The following LRP1B variants were observed in gnomAD, a reference collection of about 807,000 sequenced individuals.
LRP1B encodes the protein low-density lipoprotein receptor-related protein 1B.
A neutral mutation model predicts 556.6 loss-of-function variants in LRP1B; 217 were observed. The observed-to-expected ratio is 0.39, with a 90% CI of 0.35 to 0.44. The LOEUF (loss-of-function observed/expected upper bound fraction) is 0.44, where lower values mean the gene tolerates loss of function less well. Among genes scored for constraint, LRP1B ranks in the 20% least tolerant of loss-of-function variants. The probability of loss-of-function intolerance (pLI) is 1.00; values close to 1 mark genes in which losing one functional copy is unlikely to be tolerated. For missense variants in LRP1B, 5,053 were observed against 5,620.8 expected, an observed-to-expected ratio of 0.90 and a Z score of 3.23; for synonymous variants, 2,047 against 1,865.8, an observed-to-expected ratio of 1.10 and a Z score of -2.50.
chr2:141,117,863 A>C (rs1367687316), intron 7 of LRP1B, among the ~76,000 whole-genome samples: 1 of 151,978 alleles, frequency 6.6e-6, no homozygotes, highest in Non-Finnish European at 1.5e-5. Flanking sequence ...GTTAAAACTC[A>C]CTAAATCTTA....
chr2:141,482,555 A>G (rs1682962727), intron 2 of LRP1B, among the ~76,000 whole-genome samples: 1 of 152,022 alleles, frequency 6.6e-6, no homozygotes, highest in Non-Finnish European at 1.5e-5. Context: ...ACAAATTTGA[A>G]TACAAATTAC....
At chr2:141,699,303 A>T (rs901164901) in intron 2 of LRP1B, among the ~76,000 whole-genome samples, 22 of 151,976 alleles carry the variant, frequency 1.4e-4, no homozygotes, top group African/African-American at 4.3e-4. Context: ...GTTGCTAACC[A>T]CAGGCAACCA....
chr2:141,980,116 A>C (rs905480203), intron 1 of LRP1B, among the ~76,000 whole-genome samples: 1 of 152,106 alleles, frequency 6.6e-6, no homozygotes, highest in Admixed American at 6.6e-5. Context: ...ACCAATTATA[A>C]AGCCTAAGAA....
intron 7 of LRP1B, among the ~76,000 whole-genome samples, chr2:141,129,634 T>C (rs1413491794): frequency 3.3e-5 from 5 of 151,902 alleles, no homozygotes; most frequent in Non-Finnish European, 7.4e-5. Context: ...CAGGCATAAA[T>C]TGGATATAAA....
chr2:141,853,917 A>G (rs532281280), intron 1 of LRP1B, among the ~76,000 whole-genome samples: 1 of 152,044 alleles, frequency 6.6e-6, no homozygotes, highest in Non-Finnish European at 1.5e-5. Flanking sequence ...GACTTGAGCC[A>G]GATAAATATT....
intron 1 of LRP1B, among the ~76,000 whole-genome samples, chr2:141,895,280 G>C (rs1051595165): frequency 6.6e-6 from 1 of 152,052 alleles, no homozygotes; most frequent in East Asian, 1.9e-4. Context: ...AGTCTATGAG[G>C]TATTTGGCTC....
chr2:140,395,978 T>C (rs75779864), intron 66 of LRP1B, among the ~76,000 whole-genome samples: 1,958 of 152,306 alleles, frequency 0.013, 23 homozygotes, highest in Non-Finnish European at 0.02. Flanking sequence ...CTTTTGCCAA[T>C]GTACTCTAGG....
intron 35 of LRP1B, among the ~76,000 whole-genome samples, chr2:140,718,129 C>T (rs1205483882): frequency 6.6e-6 from 1 of 152,002 alleles, no homozygotes; most frequent in East Asian, 1.9e-4. Context: ...GTCCAACTGT[C>T]TCCTTTGTTT....
At chr2:141,901,225 T>C (rs1054597401) in intron 1 of LRP1B, among the ~76,000 whole-genome samples, 1 of 151,902 alleles carries the variant, frequency 6.6e-6, no homozygotes, top group Non-Finnish European at 1.5e-5. Context: ...TACCAACACA[T>C]AGGCAGAAGC....
At chr2:141,579,723 A>ATTTTTTTTTTTTTTTTTTTT (rs1559153915) in intron 2 of LRP1B, among the ~76,000 whole-genome samples, 2 of 31,144 alleles carry the variant, frequency 6.4e-5, no homozygotes, top group African/African-American at 9.6e-5. Context: ...ATCAGGTTTC[A>ATTTTTTTTTTTTTTTTTTTT]CTTTTTTTTT....
intron 66 of LRP1B, among the ~76,000 whole-genome samples, chr2:140,386,348 C>T (rs892875165): frequency 2.0e-5 from 3 of 152,126 alleles, no homozygotes; most frequent in African/African-American, 7.2e-5. Flanking sequence ...TTGTCCTTTC[C>T]TTTAGGACAC....
At chr2:141,354,532 C>A (rs1688555911) in intron 3 of LRP1B, among the ~76,000 whole-genome samples, 1 of 152,012 alleles carries the variant, frequency 6.6e-6, no homozygotes, top group Admixed American at 6.6e-5. Flanking sequence ...AAACTTAACA[C>A]CTCAATGTAC....
intron 77 of LRP1B, among the ~76,000 whole-genome samples, chr2:140,348,940 G>A (rs1252957950): frequency 6.6e-6 from 1 of 152,072 alleles, no homozygotes; most frequent in African/African-American, 2.4e-5. Flanking sequence ...TGAATAGAGT[G>A]TGTGGGGGAT....
intron 42 of LRP1B, among the ~76,000 whole-genome samples, chr2:140,600,560 T>A (rs1682614394): frequency 6.6e-6 from 1 of 152,140 alleles, no homozygotes; most frequent in African/African-American, 2.4e-5. Context: ...ATCTTTTTTT[T>A]GTTTTAATCA....
At chr2:140,432,540 A>G (rs1000378426) in intron 66 of LRP1B, among the ~76,000 whole-genome samples, 1 of 152,202 alleles carries the variant, frequency 6.6e-6, no homozygotes, top group African/African-American at 2.4e-5. Context: ...GTTTGTATCA[A>G]GAATCTTGTG....
At chr2:141,404,799 A>G (rs1690573328) in intron 3 of LRP1B, among the ~76,000 whole-genome samples, 1 of 152,134 alleles carries the variant, frequency 6.6e-6, no homozygotes, top group Non-Finnish European at 1.5e-5. Context: ...AATGCAAGAC[A>G]TTGGGTTAAC....
At chr2:141,054,493 C>T (rs764387882) in intron 10 of LRP1B, among the ~76,000 whole-genome samples, 1 of 151,904 alleles carries the variant, frequency 6.6e-6, no homozygotes, top group African/African-American at 2.4e-5. Context: ...TCCTTTTTAC[C>T]ATATTTAAAT....
chr2:140,342,772 C>A (rs999622361), intron 77 of LRP1B, among the ~76,000 whole-genome samples: 6 of 151,458 alleles, frequency 4.0e-5, no homozygotes, highest in African/African-American at 1.5e-4. Context: ...ATCTCTACAT[C>A]AAACCATATA....
intron 59 of LRP1B, among the ~76,000 whole-genome samples, chr2:140,484,981 C>T (rs1688407765): frequency 1.3e-5 from 2 of 152,114 alleles, no homozygotes; most frequent in African/African-American, 4.8e-5. Flanking sequence ...TTTGTGACTA[C>T]CCCAACCACT....
Sources: allele counts gnomAD v4.1 joint callset (sites outside exome capture counted in the v4.1 genomes callset), GRCh38; gene constraint gnomAD v4.1.1; transcripts MANE v1.5; gene names NCBI Gene and HGNC (gene_info 2026-07-23, HGNC 2026-07-21).